The following CD247 variants were observed in gnomAD, a reference collection of about 807,000 sequenced individuals.
CD247 encodes T-cell surface glycoprotein CD3 zeta chain.
A neutral mutation model predicts 30.0 loss-of-function variants in CD247; 13 were observed. That is an observed-to-expected ratio of 0.43 (90% CI 0.28 to 0.69). CD247 has a LOEUF of 0.69. CD247 is among the 30% of genes least tolerant of loss of function. CD247 has a pLI of 0.16. For synonymous variants in CD247, 72 were observed against 80.0 expected (o/e 0.90, Z 0.53); for missense variants, 193 against 212.6 (o/e 0.91, Z 0.57).
chr1:167,474,185 T>G (rs1349095658), intron 1 of CD247, among the ~76,000 whole-genome samples: 1 of 152,176 alleles, frequency 6.6e-6, no homozygotes, highest in Non-Finnish European at 1.5e-5. Flanking sequence ...TGCCCTCTTT[T>G]TCTTCTCCCT....
In CD247 at chr1:167,494,253, G is replaced by A. The variant is rs1172927450; in HGVS notation, c.58+24155C>T. On this transcript the variant is annotated intron_variant, in intron 1 of 7. Coordinates refer to ENST00000362089, the MANE Select transcript of CD247 (RefSeq NM_198053.3). This position sits in a 1 kb window ranked among gnomAD's most constrained non-coding sequence, Gnocchi z 7.3. The stretch of plus-strand genomic sequence containing the variant: ...CTGTGTTGATGGCCATGATCAATTC[G>A]GATCCCCAGGGCCAGTTCAGCAAAA... Among the ~76,000 whole-genome samples, 1 of 152,148 alleles carries A rather than the reference G, an allele frequency of 6.6e-6. No individual in the cohort carries two copies. The highest frequency in any genetic ancestry group is 1.5e-5 in the Non-Finnish European group (1 of 68,028).
chr1:167,439,266 C>G, intron 3 of CD247, 78 bp downstream of exon 3: 2 of 1,349,050 alleles, frequency 1.5e-6, no homozygotes, highest in Non-Finnish European at 1.1e-6. Flanking sequence ...AAACCCAAGA[C>G]TCTGGCGGGC....
At position 167,503,908 on chromosome 1, in the gene CD247, C is replaced by T. The variant is rs917053411; in HGVS notation, c.58+14500G>A. ...AGGGATGGGGTAGGGATTAGAGTCACGGCTGGTGTTTCCTGGTTTTCTGGG... is the reference window on the plus strand; with the variant it reads ...AGGGATGGGGTAGGGATTAGAGTCATGGCTGGTGTTTCCTGGTTTTCTGGG... On this transcript the variant is annotated intron_variant, in intron 1 of 7. Coordinates refer to ENST00000362089, the MANE Select transcript of CD247 (RefSeq NM_198053.3). 3.3e-5 allele frequency among the ~76,000 whole-genome samples: 5 copies of T among 152,196 alleles called. No homozygotes were observed. In the South Asian group the frequency reaches 6.2e-4, roughly 19 times the overall value.
intron 1 of CD247, among the ~76,000 whole-genome samples, chr1:167,503,826 G>A (rs1161956993): frequency 6.6e-6 from 1 of 152,018 alleles, no homozygotes; most frequent in African/African-American, 2.4e-5. Context: ...GGGTGCCAAA[G>A]GCCATGCCCC....
At chr1:167,469,174 G>A (rs1288288149) in intron 1 of CD247, among the ~76,000 whole-genome samples, 1 of 152,076 alleles carries the variant, frequency 6.6e-6, no homozygotes, top group Non-Finnish European at 1.5e-5. Flanking sequence ...GTAGAGACAG[G>A]GTTTCACCAT....
At chr1:167,439,466 G>C in intron 2 of CD247, 66 bp from the exon 3 acceptor site, 1 of 1,465,598 alleles carries the variant, frequency 6.8e-7, no homozygotes. Flanking sequence ...GGGGTGCCAG[G>C]GCGCGCGGCG....
chr1:167,518,237 A>G (rs886925757), intron 1 of CD247, among the ~76,000 whole-genome samples, 171 bp downstream of exon 1: 2 of 152,154 alleles, frequency 1.3e-5, no homozygotes, highest in African/African-American at 4.8e-5. Flanking sequence ...GTGACGGAGC[A>G]GATGCCAGCA....
chr1:167,432,730 C>G (rs548739722), intron 7 of CD247, among the ~76,000 whole-genome samples: 2 of 152,364 alleles, frequency 1.3e-5, no homozygotes, highest in African/African-American at 4.8e-5. Flanking sequence ...GGTCCTTTGC[C>G]TCCATCTGCA....
At chr1:167,476,076 T>C (rs1267775541) in intron 1 of CD247, among the ~76,000 whole-genome samples, 1 of 140,536 alleles carries the variant, frequency 7.1e-6, no homozygotes, top group Admixed American at 7.3e-5. Context: ...TTATTTTCTT[T>C]ACTTTTCTAC....
chr1:167,461,291 T>C lies in CD247; in HGVS notation c.59-20524A>G, dbSNP rs547456172. On this transcript the variant is annotated intron_variant, in intron 1 of 7. Transcript: ENST00000362089. ...AGGACCTCTCACCTGGACCCAGGGA[T>C]AAATGAGATCCACTATCAGAGCCAA... Among the ~76,000 whole-genome samples, 3 of 152,344 alleles carry C rather than the reference T, an allele frequency of 2.0e-5. No individual in the cohort carries two copies. The South Asian group carries it at 6.2e-4, about 32-fold the overall frequency.
intron 1 of CD247, among the ~76,000 whole-genome samples, chr1:167,481,128 A>C (rs1653955997): frequency 6.6e-6 from 1 of 152,152 alleles, no homozygotes; most frequent in Non-Finnish European, 1.5e-5. Flanking sequence ...CTCTACAAAA[A>C]ATACAGAAAT....
In CD247 at chr1:167,431,657, TTGAG is replaced by T. The variant is rs1651270851; in HGVS notation, c.*20_*23del. 1.2e-6 allele frequency: 2 copies of T among 1,604,282 alleles called. No individual in the cohort carries two copies. The highest frequency in any genetic ancestry group is 2.2e-5 in the East Asian group (1 of 44,830). On this transcript the variant is annotated 3_prime_UTR_variant, in exon 8 of 8. Transcript: ENST00000362089. ...ATCTGGGCGTCTGCAGGTCTGGCCT[TTGAG>T]TGGTGAAATCCCCTGGCTGTTAGCG...
intron 1 of CD247, among the ~76,000 whole-genome samples, chr1:167,468,220 G>C (rs370237833): frequency 1.3e-5 from 2 of 151,598 alleles, no homozygotes; most frequent in Admixed American, 6.6e-5. Context: ...ATAAGAAAAC[G>C]TCCCTGTAAT....
At chr1:167,445,172 C>T (rs1313365616) in intron 1 of CD247, among the ~76,000 whole-genome samples, 2 of 152,042 alleles carry the variant, frequency 1.3e-5, no homozygotes, top group South Asian at 2.1e-4. Flanking sequence ...GTGATCTGCC[C>T]GCCTCGGCCT....
At chr1:167,510,638 C>T (rs763205974) in intron 1 of CD247, among the ~76,000 whole-genome samples, 2 of 152,244 alleles carry the variant, frequency 1.3e-5, no homozygotes, top group Non-Finnish European at 2.9e-5. Context: ...GATGAAAGGG[C>T]AGGTCTAACT....
At chr1:167,466,473 A>G (rs989369344) in intron 1 of CD247, among the ~76,000 whole-genome samples, 1 of 151,936 alleles carries the variant, frequency 6.6e-6, no homozygotes, top group Non-Finnish European at 1.5e-5. Context: ...CCATTTTGAG[A>G]TAAGCTACAG....
At chr1:167,460,935 G>T (rs1652980687) in intron 1 of CD247, among the ~76,000 whole-genome samples, 1 of 152,234 alleles carries the variant, frequency 6.6e-6, no homozygotes, top group African/African-American at 2.4e-5. Context: ...ATGAAGCCCA[G>T]CCAGAGCCAA....
At chr1:167,469,672 T>G (rs1249752178) in intron 1 of CD247, among the ~76,000 whole-genome samples, 1 of 152,126 alleles carries the variant, frequency 6.6e-6, no homozygotes, top group Non-Finnish European at 1.5e-5. Flanking sequence ...GAGTGAGAGA[T>G]AAAGGAAAGT....
chr1:167,455,545 A>G (rs1289097276), intron 1 of CD247, among the ~76,000 whole-genome samples: 1 of 151,884 alleles, frequency 6.6e-6, no homozygotes, highest in Non-Finnish European at 1.5e-5. Flanking sequence ...CGGTTACGGG[A>G]GCAGCAGCCC....
Sources: gnomAD v4.1 joint callset for allele counts (sites outside exome capture counted in the v4.1 genomes callset) on GRCh38, gnomAD v4.1.1 for gene constraint, Gnocchi (gnomAD v3.1) non-coding constraint, MANE v1.5 for transcripts, NCBI Gene and HGNC (gene_info 2026-07-23, HGNC 2026-07-21) for gene names.